The following HTR1F variants were observed in gnomAD, a reference collection of about 807,000 sequenced individuals.
HTR1F encodes the protein 5-hydroxytryptamine receptor 1F.
Under a neutral mutation model 24.0 loss-of-function variants are expected in HTR1F, and 17 were observed. That is an observed-to-expected ratio of 0.71 (90% CI 0.48 to 1.06). The LOEUF is 1.06. Among genes scored for constraint, HTR1F ranks in the 50% least tolerant of loss-of-function variants. The pLI is 0.00. For missense variants in HTR1F, 391 were observed against 427.8 expected (o/e 0.91, Z 0.76); for synonymous variants, 186 against 156.8 (o/e 1.19, Z -1.39).
rs1481148104 is a variant in HTR1F, at chr3:87,831,991, C to A, written c.-43+9867C>A. On this transcript the variant is annotated intron_variant, in intron 2 of 2. Transcript: ENST00000319595. ...ATTACTATTAACAGTACGATAGGTA[C>A]TAGTGTCATCCCCATAAGGAAACAG... Among the ~76,000 whole-genome samples the A allele has an allele frequency of 2.6e-5, 4 of 152,256 alleles. No individual in the cohort carries two copies. In the South Asian group the frequency reaches 8.3e-4, roughly 32 times the overall value.
chr3:87,852,001 G>C lies in HTR1F; in HGVS notation c.-43+29877G>C, dbSNP rs537845717. On this transcript the variant is annotated intron_variant, in intron 2 of 2. Transcript: ENST00000319595. ...AAAAAAAGAATGTACATTTCTACCA[G>C]CAATAGCTGAGACTCTATTTTTCCA... Among the ~76,000 whole-genome samples the C allele has an allele frequency of 6.0e-4, 89 of 148,882 alleles. No homozygotes were observed. The Middle Eastern group carries it at 0.011, about 18-fold the overall frequency.
At chr3:87,891,829 T>C (rs1217241296) in intron 2 of HTR1F, among the ~76,000 whole-genome samples, 3 of 152,210 alleles carry the variant, frequency 2.0e-5, no homozygotes, top group Non-Finnish European at 2.9e-5. Context: ...CATTCAGACA[T>C]AATTATTTCC....
Position 87,949,884 on chromosome 3 carries a change from T to C in HTR1F, c.-42-40824T>C, listed in dbSNP as rs185697310. Among the ~76,000 whole-genome samples the C allele has an allele frequency of 2.4e-4, 36 of 152,136 alleles. No individual in the cohort carries two copies. In the East Asian group the frequency reaches 6.0e-3, roughly 25 times the overall value. On this transcript the variant is annotated intron_variant, in intron 2 of 2. Coordinates refer to ENST00000319595, the MANE Select transcript of HTR1F (RefSeq NM_001322209.2). Reference sequence around the variant, plus strand: ...TCTACTTTACGTTGCTAGAAAGGAGTATCTAAGGCTTGGCAACCTATAAAG... The same window carrying C: ...TCTACTTTACGTTGCTAGAAAGGAGCATCTAAGGCTTGGCAACCTATAAAG...
chr3:87,977,583 TTTC>T (rs1393225730), intron 2 of HTR1F, among the ~76,000 whole-genome samples: 1 of 150,270 alleles, frequency 6.7e-6, no homozygotes, highest in African/African-American at 2.5e-5. Flanking sequence ...CTTTTTTTTT[TTTC>T]TTTTTTTTTG....
intron 1 of HTR1F, among the ~76,000 whole-genome samples, chr3:87,806,606 G>A (rs185098319): frequency 9.5e-4 from 144 of 152,138 alleles, no homozygotes; most frequent in Non-Finnish European, 1.7e-3. Context: ...TCAACAGGTT[G>A]TCTCTTCACT....
chr3:87,942,862 G>C (rs1704604148), intron 2 of HTR1F, among the ~76,000 whole-genome samples: 1 of 151,892 alleles, frequency 6.6e-6, no homozygotes, highest in South Asian at 2.1e-4. Flanking sequence ...GCAGACTTTT[G>C]AAGTTTTTTA....
At chr3:87,873,335 G>A (rs939362875) in intron 2 of HTR1F, among the ~76,000 whole-genome samples, 15 of 152,120 alleles carry the variant, frequency 9.9e-5, no homozygotes, top group African/African-American at 3.4e-4. Flanking sequence ...GGGAGTGGAA[G>A]GAGGAGATGA....
At chr3:87,923,403 G>T (rs766393461) in intron 2 of HTR1F, among the ~76,000 whole-genome samples, 2 of 151,794 alleles carry the variant, frequency 1.3e-5, no homozygotes, top group Non-Finnish European at 1.5e-5. Context: ...CCATTTTGGG[G>T]TCTTCATCAA....
intron 2 of HTR1F, among the ~76,000 whole-genome samples, chr3:87,924,974 A>T (rs557062434): frequency 1.3e-3 from 188 of 150,348 alleles, no homozygotes; most frequent in African/African-American, 3.7e-3. Flanking sequence ...ACTTTCTTAA[A>T]TTTTTTTTTT....
At chr3:87,883,415 C>G (rs947421088) in intron 2 of HTR1F, among the ~76,000 whole-genome samples, 4 of 152,110 alleles carry the variant, frequency 2.6e-5, no homozygotes, top group Admixed American at 2.0e-4. Context: ...CACCTCTTCT[C>G]CTCCAAAGGA....
At chr3:87,938,949 T>A (rs1416724474) in intron 2 of HTR1F, among the ~76,000 whole-genome samples, 5 of 152,058 alleles carry the variant, frequency 3.3e-5, no homozygotes, top group Admixed American at 3.3e-4. Flanking sequence ...GATCTAAACT[T>A]AAGAGCTTCT....
At chr3:87,887,049 G>A (rs1027774934) in intron 2 of HTR1F, among the ~76,000 whole-genome samples, 19 of 152,126 alleles carry the variant, frequency 1.2e-4, no homozygotes, top group African/African-American at 4.6e-4. Context: ...CAAAGCTGGA[G>A]GCATCACACT....
At chr3:87,906,206 T>C (rs1378707598) in intron 2 of HTR1F, among the ~76,000 whole-genome samples, 1 of 152,084 alleles carries the variant, frequency 6.6e-6, no homozygotes, top group Admixed American at 6.6e-5. Flanking sequence ...AAATTGGTCT[T>C]CTGAAACTAA....
At chr3:87,809,637 G>A (rs1704128431) in intron 1 of HTR1F, among the ~76,000 whole-genome samples, 1 of 151,870 alleles carries the variant, frequency 6.6e-6, no homozygotes, top group African/African-American at 2.4e-5. Context: ...ATATTCTTAT[G>A]TTATTGTATC....
chr3:87,820,077 A>T (rs1022176924), intron 1 of HTR1F, among the ~76,000 whole-genome samples: 1 of 152,176 alleles, frequency 6.6e-6, no homozygotes, highest in South Asian at 2.1e-4. Context: ...AAAGATAATA[A>T]TAATGAACAA....
intron 2 of HTR1F, among the ~76,000 whole-genome samples, chr3:87,858,403 G>C (rs547024437): frequency 6.6e-6 from 1 of 152,072 alleles, no homozygotes; most frequent in Non-Finnish European, 1.5e-5. Flanking sequence ...TGTTTTGCCC[G>C]AGAAGACAGA....
At chr3:87,900,376 T>G (rs959612590) in intron 2 of HTR1F, among the ~76,000 whole-genome samples, 12 of 152,158 alleles carry the variant, frequency 7.9e-5, no homozygotes, top group African/African-American at 2.9e-4. Context: ...TGGAGCTGAG[T>G]GGATGAAGGA....
At chr3:87,823,408 A>T (rs553213199) in intron 2 of HTR1F, among the ~76,000 whole-genome samples, 4 of 152,184 alleles carry the variant, frequency 2.6e-5, no homozygotes, top group Non-Finnish European at 4.4e-5. Context: ...TTCGTAGTTC[A>T]TCTTCCTTTT....
At chr3:87,867,027 T>C (rs1206946025) in intron 2 of HTR1F, among the ~76,000 whole-genome samples, 3 of 151,926 alleles carry the variant, frequency 2.0e-5, no homozygotes, top group Non-Finnish European at 2.9e-5. Context: ...AATATGATGG[T>C]TGCAGAAAAT....
Sources: gnomAD v4.1 joint callset for allele counts (sites outside exome capture counted in the v4.1 genomes callset) on GRCh38, gnomAD v4.1.1 for gene constraint, MANE v1.5 for transcripts, NCBI Gene and HGNC (gene_info 2026-07-23, HGNC 2026-07-21) for gene names.